Variants in DEPTOR observed in about 807,000 individuals in gnomAD.
DEPTOR encodes DEP domain-containing mTOR-interacting protein.
A neutral mutation model predicts 41.6 loss-of-function variants in DEPTOR; 41 were observed. The ratio of observed to expected loss-of-function variants is 0.98; its 90% CI spans 0.77 to 1.28. The LOEUF is 1.28. DEPTOR is among the 50% of genes most tolerant of loss of function. The pLI, the probability that DEPTOR is intolerant of heterozygous loss-of-function variation, is 0.00. For missense variants in DEPTOR, 514 were observed against 527.9 expected, an observed-to-expected ratio of 0.97 and a Z score of 0.26; for synonymous variants, 195 against 192.3, an observed-to-expected ratio of 1.01 and a Z score of -0.12.
At position 119,971,002 on chromosome 8, in the gene DEPTOR, G is replaced by A. The variant is rs569598878; in HGVS notation, c.604+5592G>A. ...TCCCAGCATTCTGGGAGGCCAAGGC[G>A]GGCGGATCACAAGGTCGGGAGATCG... On this transcript the variant is annotated intron_variant, in intron 4 of 8. Coordinates refer to ENST00000286234, the MANE Select transcript of DEPTOR (RefSeq NM_022783.4). Among the ~76,000 whole-genome samples, 9 of 152,208 alleles carry A rather than the reference G, an allele frequency of 5.9e-5. No individual in the cohort carries two copies. In the East Asian group the frequency reaches 7.7e-4, roughly 13 times the overall value.
At chr8:119,912,366 T>A (rs1244421300) in intron 1 of DEPTOR, among the ~76,000 whole-genome samples, 1 of 152,204 alleles carries the variant, frequency 6.6e-6, no homozygotes, top group African/African-American at 2.4e-5. Flanking sequence ...CTGTTTCAGT[T>A]ACATAATCCT....
At chr8:119,991,686 G>A (rs935059858) in intron 4 of DEPTOR, among the ~76,000 whole-genome samples, 22 of 152,108 alleles carry the variant, frequency 1.4e-4, no homozygotes, top group Non-Finnish European at 3.1e-4. Context: ...GTGAGAACAC[G>A]AGGTATTTGG....
rs79464980 is a variant in DEPTOR, at chr8:120,025,373, C to T, written c.1101+16240C>T. Among the ~76,000 whole-genome samples the T allele has an allele frequency of 1.8e-4, 27 of 151,680 alleles. No homozygotes were observed. In the East Asian group the frequency reaches 5.2e-3, roughly 29 times the overall value. ...TCCACCCACCATTTTTTTTTTCTGC[C>T]AGATGAAATCAAATATTGTTGGCAT... On this transcript the variant is annotated intron_variant, in intron 8 of 8. Coordinates refer to ENST00000286234, the MANE Select transcript of DEPTOR (RefSeq NM_022783.4).
chr8:119,954,845 GGTGTGTGTGT>G (rs10649943), intron 3 of DEPTOR, among the ~76,000 whole-genome samples: 1 of 147,948 alleles, frequency 6.8e-6, no homozygotes, highest in Non-Finnish European at 1.5e-5. Context: ...GGCAAATATT[GGTGTGTGTGT>G]GTGTGTGTGT....
chr8:120,038,122 A>G (rs959315834), intron 8 of DEPTOR, among the ~76,000 whole-genome samples: 27 of 151,822 alleles, frequency 1.8e-4, no homozygotes, highest in African/African-American at 6.3e-4. Flanking sequence ...CAAAAAAATT[A>G]GCCAGATGTG....
At chr8:119,959,382 C>T (rs1164359589) in intron 3 of DEPTOR, among the ~76,000 whole-genome samples, 1 of 151,718 alleles carries the variant, frequency 6.6e-6, no homozygotes, top group Non-Finnish European at 1.5e-5. Flanking sequence ...AGGATGGTCT[C>T]GATTTCCTGA....
rs183480216 is a variant in DEPTOR at position 119,898,243 on chromosome 8, T to C, written c.122+24275T>C. ...TTCATAGAAAACCTTTGCCAACCCTTGGTGTATATCTAAGAAAGAAAAGAT... is the reference window on the plus strand; with the variant it reads ...TTCATAGAAAACCTTTGCCAACCCTCGGTGTATATCTAAGAAAGAAAAGAT... On this transcript the variant is annotated intron_variant, in intron 1 of 8. Coordinates refer to ENST00000286234, the MANE Select transcript of DEPTOR (RefSeq NM_022783.4). Among the ~76,000 whole-genome samples, 188 of 152,218 alleles carry C rather than the reference T, an allele frequency of 1.2e-3. 1 individual carries two copies. Among genetic ancestry groups the C allele is most frequent in the Non-Finnish European group, 2.1e-3 (144 of 68,026 alleles).
chr8:119,982,110 A>AGCATTATG (rs1828777190), intron 4 of DEPTOR, among the ~76,000 whole-genome samples: 1 of 151,020 alleles, frequency 6.6e-6, no homozygotes, highest in Non-Finnish European at 1.5e-5. Context: ...ATGCTATATT[A>AGCATTATG]GCATTATGGA....
Position 120,012,025 on chromosome 8 carries a change from A to T in DEPTOR, c.1101+2892A>T, listed in dbSNP as rs1812538504. ...TACTTTATCCCCCTCTTAGAAATTT[A>T]CAAAGCACATTAGCATATTGAAAAC... On this transcript the variant is annotated intron_variant, in intron 8 of 8. Coordinates refer to ENST00000286234, the MANE Select transcript of DEPTOR (RefSeq NM_022783.4). 4.6e-5 allele frequency among the ~76,000 whole-genome samples: 7 copies of T among 152,322 alleles called. No individual in the cohort carries two copies. The South Asian group carries it at 1.4e-3, about 32-fold the overall frequency.
At chr8:120,011,246 C>T (rs1436896438) in intron 8 of DEPTOR, among the ~76,000 whole-genome samples, 2 of 152,186 alleles carry the variant, frequency 1.3e-5, no homozygotes, top group African/African-American at 4.8e-5. Context: ...GCTGCTTCCA[C>T]CTTTTGATTT....
At position 120,001,655 on chromosome 8, in the gene DEPTOR, CT is replaced by C; in HGVS notation, c.737del (p.Phe246SerfsTer3). 1.2e-6 allele frequency: 2 copies of C among 1,614,036 alleles called. No homozygotes were observed. The highest frequency in any genetic ancestry group is 2.2e-5 in the South Asian group (2 of 91,040). On this transcript the variant is annotated frameshift_variant, in exon 5 of 9. Coordinates refer to ENST00000286234, the MANE Select transcript of DEPTOR (RefSeq NM_022783.4). LOFTEE classifies it high-confidence loss of function. ...PSSQETHDSP[F>X]CLRKQSHDNR... is the part of the protein sequence containing the mutation. ...CCTCCCAGGAAACTCATGACAGTCC[CT>C]TCTGCCTGAGGAAGCAGAGCCATGA... is the stretch of plus-strand genomic sequence containing the variant.
At chr8:120,008,952 G>T in intron 7 of DEPTOR, 77 bp from the exon 8 acceptor site, 1 of 1,353,650 alleles carries the variant, frequency 7.4e-7, no homozygotes, top group Non-Finnish European at 1.0e-6. Flanking sequence ...ATCCTGGGCT[G>T]GTTTTCTCTC....
At chr8:120,041,246 CT>C (rs1001913151) in intron 8 of DEPTOR, among the ~76,000 whole-genome samples, 7 of 152,178 alleles carry the variant, frequency 4.6e-5, no homozygotes, top group Non-Finnish European at 8.8e-5. Context: ...TTCACTCCCA[CT>C]TTGGATGAAA....
chr8:120,002,207 T>C (rs1563588399), intron 5 of DEPTOR, among the ~76,000 whole-genome samples: 1 of 152,212 alleles, frequency 6.6e-6, no homozygotes, highest in Non-Finnish European at 1.5e-5. Flanking sequence ...TGGTGCAATC[T>C]TGGCTCACCA....
intron 8 of DEPTOR, among the ~76,000 whole-genome samples, chr8:120,020,233 G>C (rs1812679200): frequency 6.6e-6 from 1 of 152,024 alleles, no homozygotes; most frequent in African/African-American, 2.4e-5. Context: ...GGGACTACAA[G>C]TGCATGCCCA....
chr8:119,887,101 C>T (rs1327897133), intron 1 of DEPTOR, among the ~76,000 whole-genome samples: 1 of 80,286 alleles, frequency 1.2e-5, no homozygotes, highest in Admixed American at 1.4e-4. Context: ...CCAGTCCCTT[C>T]CCCTTCCCCT....
rs1327285484 is a variant in DEPTOR, at chr8:119,992,250, C to T, written c.605-9275C>T. Among the ~76,000 whole-genome samples the T allele has an allele frequency of 2.0e-5, 3 of 152,200 alleles. No individual in the cohort carries two copies. In the East Asian group the frequency reaches 5.8e-4, roughly 29 times the overall value. Reference sequence around the variant, plus strand: ...CAGAAGCCCCAGCCACCCTTGTGCACTTGGTGAAGCAGTGAGCTGGCAGCT... The same window carrying T: ...CAGAAGCCCCAGCCACCCTTGTGCATTTGGTGAAGCAGTGAGCTGGCAGCT... On this transcript the variant is annotated intron_variant, in intron 4 of 8. Transcript: ENST00000286234.
chr8:119,979,088 G>A (rs536964874), intron 4 of DEPTOR, among the ~76,000 whole-genome samples: 28 of 152,250 alleles, frequency 1.8e-4, no homozygotes, highest in African/African-American at 6.7e-4. Context: ...CCACGGAACG[G>A]TATGAAGATG....
chr8:119,888,537 C>T (rs1273385853), intron 1 of DEPTOR, among the ~76,000 whole-genome samples: 1 of 152,076 alleles, frequency 6.6e-6, no homozygotes, highest in East Asian at 1.9e-4. Flanking sequence ...AGTCAACAAT[C>T]AACAATCTTG....
Sources: gnomAD v4.1 joint callset for allele counts (sites outside exome capture counted in the v4.1 genomes callset) on GRCh38, gnomAD v4.1.1 for gene constraint, MANE v1.5 for transcripts, NCBI Gene and HGNC (gene_info 2026-07-23, HGNC 2026-07-21) for gene names.